Variants in PCDHA9 observed in about 807,000 individuals in gnomAD.
The protein encoded by PCDHA9 is protocadherin alpha 9, also known as protocadherin alpha-9.
PCDHA9 carries 62 observed loss-of-function variants against 62.0 expected under a neutral mutation model. The ratio of observed to expected loss-of-function variants is 1.00; its 90% CI spans 0.81 to 1.23. The LOEUF (loss-of-function observed/expected upper bound fraction) is 1.23. Among genes scored for constraint, PCDHA9 ranks in the 50% most tolerant of loss-of-function variants. The pLI, the probability that PCDHA9 is intolerant of heterozygous loss-of-function variation, is 0.00. For missense variants in PCDHA9, 1,205 were observed against 1,249.8 expected (o/e 0.96, Z 0.54); for synonymous variants, 557 against 567.6 (o/e 0.98, Z 0.27).
rs369670852 is a variant in PCDHA9, at chr5:140,928,571, C to G, written c.2395-50378C>G. 1.9e-5 allele frequency: 30 copies of G among 1,614,180 alleles called. 1 individual carries two copies. The African/African-American group carries it at 1.9e-4, about 10-fold the overall frequency. On this transcript the variant is annotated intron_variant, in intron 1 of 3. Transcript: ENST00000532602. ...TATCCGGTTATCTTGTTTCCCTTGC[C>G]CAGAAATGGTTCTGTCCCAGTGGAA...
At chr5:140,886,403 AT>A (rs1196342524) in intron 1 of PCDHA9, among the ~76,000 whole-genome samples, 19 of 152,184 alleles carry the variant, frequency 1.2e-4, no homozygotes, top group African/African-American at 4.6e-4. Context: ...CATCACAAAT[AT>A]GTTTTCCTCC....
chr5:140,965,316 T>C (rs1411473254), intron 1 of PCDHA9, among the ~76,000 whole-genome samples: 2 of 152,200 alleles, frequency 1.3e-5, no homozygotes, highest in Admixed American at 6.5e-5. Context: ...CCTTCTCTTT[T>C]ACTGAAGTGA....
At chr5:140,867,441 G>C (rs1188505395) in intron 1 of PCDHA9, 1 of 152,032 alleles carries the variant, frequency 6.6e-6, no homozygotes, top group Non-Finnish European at 1.5e-5. Flanking sequence ...GCATTTACCT[G>C]AATTAGAGTT....
chr5:140,864,460 T>C (rs2048484111), intron 1 of PCDHA9: 1 of 152,246 alleles, frequency 6.6e-6, no homozygotes, highest in African/African-American at 2.4e-5. Flanking sequence ...AATATCCATC[T>C]TTTTTGAGAT....
rs2150462323 is a variant in PCDHA9 at position 140,849,996 on chromosome 5, G to A, written c.1501G>A (p.Glu501Lys). ...CTCGCTGGTGGAGCGGCGGTTGGGC[G>A]AGCGCTCGCTGTCGAGCTACGTGTC... ...SYSLVERRLG[E>K]RSLSSYVSVH... The change falls in exon 1 of 4, where the codon GAG (glutamate) becomes AAG (lysine). Residue 501 changes from glutamate (E) to lysine (K), a missense_variant. Physicochemically the swap from Glu to Lys is moderately conservative, Grantham distance 56 (BLOSUM62 1). Transcript: ENST00000532602. 4 of 1,597,014 alleles carry A rather than the reference G, an allele frequency of 2.5e-6. No homozygotes were observed. The highest frequency in any genetic ancestry group is 2.7e-5 in the African/African-American group (2 of 74,330).
At chr5:140,893,264 A>G (rs1554185566) in intron 1 of PCDHA9, among the ~76,000 whole-genome samples, 1 of 152,172 alleles carries the variant, frequency 6.6e-6, no homozygotes, top group East Asian at 1.9e-4. Flanking sequence ...ATAAATGCCC[A>G]ATAGTGGAAT....
intron 1 of PCDHA9, chr5:140,882,615 T>A (rs1554174850): frequency 6.2e-7 from 1 of 1,614,020 alleles, no homozygotes; most frequent in South Asian, 1.1e-5. Flanking sequence ...CCTCTGCAGG[T>A]TTTCCATGTG....
Position 140,850,173 on chromosome 5 carries a change from G to T in PCDHA9, c.1678G>T (p.Asp560Tyr), listed in dbSNP as rs2150470730. The T allele has an allele frequency of 4.0e-5, 64 of 1,594,368 alleles. 5 individuals carry two copies. The highest frequency in any genetic ancestry group is 5.0e-5 in the Non-Finnish European group (58 of 1,167,774). Residue 560 changes from aspartate to tyrosine, a missense_variant, in exon 1 of 4, where the codon GAC becomes TAC. Physicochemically the swap from Asp to Tyr is radical, Grantham distance 160 (BLOSUM62 -3). This residue lies in a region of PCDHA9 where 887 missense variants were observed against 809.5 expected (regional missense o/e 1.10). Coordinates refer to ENST00000532602, the MANE Select transcript of PCDHA9 (RefSeq NM_031857.2). ...TLQVFVLDENDNAPALLTPRM... is the reference protein window; with the variant it reads ...TLQVFVLDENYNAPALLTPRM... ...GCAGGTGTTCGTGCTGGACGAGAAC[G>T]ACAATGCGCCGGCGCTGCTGACACC...
intron 1 of PCDHA9, among the ~76,000 whole-genome samples, chr5:140,955,262 C>CT (rs1165777806): frequency 1.3e-5 from 2 of 152,044 alleles, no homozygotes; most frequent in African/African-American, 2.4e-5. Flanking sequence ...TATAAAGGCT[C>CT]TTTTTTGGTT....
At chr5:140,920,960 A>C (rs1554200006) in intron 1 of PCDHA9, among the ~76,000 whole-genome samples, 1 of 151,930 alleles carries the variant, frequency 6.6e-6, no homozygotes, top group Admixed American at 6.6e-5. Flanking sequence ...CTACACATGT[A>C]GTACTAGAGT....
rs782634199 is a variant in PCDHA9 at position 140,882,705 on chromosome 5, G to A, written c.2394+31816G>A. The A allele has an allele frequency of 3.7e-6, 6 of 1,614,172 alleles. No individual in the cohort carries two copies. The South Asian group carries it at 6.6e-5, about 18-fold the overall frequency. On this transcript the variant is annotated intron_variant, in intron 1 of 3. Transcript: ENST00000532602. ...AAACGAATAATCATTGCAGAATCTA[G>A]ACCTCCGGAAACTCGATTTCCACTA...
intron 3 of PCDHA9, among the ~76,000 whole-genome samples, chr5:140,989,624 G>C (rs527255277): frequency 6.6e-6 from 1 of 152,208 alleles, no homozygotes; most frequent in Non-Finnish European, 1.5e-5. Context: ...GTCTGTCCTA[G>C]TGACAGCAAG....
chr5:141,004,124 C>T (rs1225012224), intron 3 of PCDHA9, among the ~76,000 whole-genome samples: 1 of 152,202 alleles, frequency 6.6e-6, no homozygotes, highest in Non-Finnish European at 1.5e-5. Context: ...GGAGTATCTC[C>T]ATGATTCTGC....
chr5:140,849,060 G>A lies in PCDHA9; in HGVS notation c.565G>A (p.Val189Ile), dbSNP rs2150429705. Residue 189 changes from valine (V) to isoleucine (I), a missense_variant, in exon 1 of 4, where the codon GTA becomes ATA. Val to Ile is a conservative substitution (Grantham distance 29, BLOSUM62 3). Transcript: ENST00000532602. ...GGACGTGCCAACCAGCAACCAGCAG[G>A]TAAAACCTCTTGGACTTGTATTACG... Reference protein sequence around the residue: ...FLDVPTSNQQVKPLGLVLRKL... With the variant: ...FLDVPTSNQQIKPLGLVLRKL... The A allele has an allele frequency of 3.2e-6, 5 of 1,549,090 alleles. No individual in the cohort carries two copies. The South Asian group carries it at 5.6e-5, about 17-fold the overall frequency.
At chr5:140,899,964 T>A (rs543512832) in intron 1 of PCDHA9, among the ~76,000 whole-genome samples, 3 of 151,824 alleles carry the variant, frequency 2.0e-5, no homozygotes, top group African/African-American at 7.3e-5. Flanking sequence ...TGTGCTGCCA[T>A]GCCCAGCTAC....
chr5:140,881,398 AT>A (rs1269168835), intron 1 of PCDHA9: 1 of 975,426 alleles, frequency 1.0e-6, no homozygotes, highest in Non-Finnish European at 1.2e-6. Context: ...GTTAAATTCT[AT>A]TAAATCAATA....
intron 1 of PCDHA9, among the ~76,000 whole-genome samples, chr5:140,908,375 G>C (rs922545563): frequency 6.6e-6 from 1 of 152,174 alleles, no homozygotes; most frequent in Non-Finnish European, 1.5e-5. Context: ...TTCAGGACCT[G>C]CTCGAGCCCG....
chr5:140,894,778 T>C (rs1477645245), intron 1 of PCDHA9, among the ~76,000 whole-genome samples: 1 of 152,140 alleles, frequency 6.6e-6, no homozygotes, highest in Non-Finnish European at 1.5e-5. Flanking sequence ...TTTAGTGTAA[T>C]TATTTGTCCT....
At chr5:140,885,832 T>C (rs888778134) in intron 1 of PCDHA9, among the ~76,000 whole-genome samples, 1 of 152,244 alleles carries the variant, frequency 6.6e-6, no homozygotes, top group South Asian at 2.1e-4. Flanking sequence ...TTCTTTGATT[T>C]ATCCATTAAG....
Sources: gnomAD v4.1 joint callset for allele counts (sites outside exome capture counted in the v4.1 genomes callset) on GRCh38, gnomAD v4.1.1 for gene constraint, gnomAD v4.1.1 regional missense constraint, MANE v1.5 for transcripts, NCBI Gene and HGNC (gene_info 2026-07-23, HGNC 2026-07-21) for gene names.